Variants in PTPRJ observed in about 807,000 individuals in gnomAD.
PTPRJ encodes protein tyrosine phosphatase receptor type J, also known as receptor-type tyrosine-protein phosphatase eta.
In PTPRJ, 129 loss-of-function variants were observed where a neutral mutation model predicts 141.3. The ratio of observed to expected loss-of-function variants is 0.91; its 90% CI spans 0.79 to 1.06. PTPRJ has a LOEUF of 1.06. Ranked by LOEUF, PTPRJ falls within the 50% of genes least tolerant of loss-of-function variation. The pLI, the probability that PTPRJ is intolerant of heterozygous loss-of-function variation, is 0.00. For missense variants in PTPRJ, 1,601 were observed against 1,679.7 expected, an observed-to-expected ratio of 0.95 and a Z score of 0.82; for synonymous variants, 610 against 640.5, an observed-to-expected ratio of 0.95 and a Z score of 0.72.
intron 24 of PTPRJ, among the ~76,000 whole-genome samples, 165 bp from the exon 25 acceptor site, chr11:48,167,039 C>T (rs1805462116): frequency 6.6e-6 from 1 of 152,150 alleles, no homozygotes; most frequent in African/African-American, 2.4e-5. Flanking sequence ...TCAGATTTCA[C>T]TGCAATGTTG....
chr11:48,073,128 T>C (rs1178280298), intron 1 of PTPRJ, among the ~76,000 whole-genome samples: 3 of 152,248 alleles, frequency 2.0e-5, no homozygotes, highest in Non-Finnish European at 2.9e-5. Flanking sequence ...CCACTGGCTC[T>C]GTTTGGTTCC....
At chr11:48,109,848 C>T (rs1301881169) in intron 1 of PTPRJ, among the ~76,000 whole-genome samples, 1 of 152,172 alleles carries the variant, frequency 6.6e-6, no homozygotes, top group Non-Finnish European at 1.5e-5. Flanking sequence ...CCCCACATAA[C>T]CCAGTTAATC....
intron 1 of PTPRJ, among the ~76,000 whole-genome samples, chr11:48,031,975 T>C (rs964210163): frequency 6.6e-6 from 1 of 152,170 alleles, no homozygotes; most frequent in Non-Finnish European, 1.5e-5. Flanking sequence ...CTTAGCATCA[T>C]ATGAAAGGCA....
chr11:48,102,068 G>A (rs1856163681), intron 1 of PTPRJ, among the ~76,000 whole-genome samples: 1 of 152,206 alleles, frequency 6.6e-6, no homozygotes, highest in Non-Finnish European at 1.5e-5. Context: ...GTTGCAGGGT[G>A]CATTTTGATC....
intron 1 of PTPRJ, among the ~76,000 whole-genome samples, chr11:48,024,187 C>T (rs1853741481): frequency 6.6e-6 from 1 of 151,890 alleles, no homozygotes; most frequent in African/African-American, 2.4e-5. Context: ...ACCACACTTA[C>T]ATTTTTTTTC....
chr11:48,106,775 T>C (rs1025327524), intron 1 of PTPRJ, among the ~76,000 whole-genome samples: 5 of 144,128 alleles, frequency 3.5e-5, no homozygotes, highest in South Asian at 2.2e-4. Flanking sequence ...TTTTTTTTTT[T>C]TTTTTTTTTT....
intron 1 of PTPRJ, among the ~76,000 whole-genome samples, chr11:48,073,767 T>C (rs1157207177): frequency 2.0e-5 from 3 of 152,180 alleles, no homozygotes; most frequent in African/African-American, 7.2e-5. Flanking sequence ...AAAAAATTTC[T>C]ATGTATATGT....
intron 1 of PTPRJ, among the ~76,000 whole-genome samples, chr11:48,039,788 CTTTCT>C (rs1268196292): frequency 2.7e-5 from 4 of 148,858 alleles, no homozygotes; most frequent in African/African-American, 1.0e-4. Flanking sequence ...CCCTTTTGCC[CTTTCT>C]TTTTTTTTTT....
At chr11:47,990,454 GCT>G (rs1485517472) in intron 1 of PTPRJ, among the ~76,000 whole-genome samples, 1 of 151,894 alleles carries the variant, frequency 6.6e-6, no homozygotes, top group Non-Finnish European at 1.5e-5. Context: ...GGGGAGTCTT[GCT>G]CTGTCACCCA....
chr11:48,007,386 G>A (rs911958578), intron 1 of PTPRJ, among the ~76,000 whole-genome samples: 1 of 151,872 alleles, frequency 6.6e-6, no homozygotes, highest in Non-Finnish European at 1.5e-5. Flanking sequence ...TGGGATTACA[G>A]GCATGAGCCA....
chr11:48,061,227 C>T (rs1055748628), intron 1 of PTPRJ, among the ~76,000 whole-genome samples: 4 of 152,176 alleles, frequency 2.6e-5, no homozygotes, highest in Non-Finnish European at 5.9e-5. Context: ...CCGCCTACCT[C>T]GGCCTCCCAA....
rs1037017461 is a variant in PTPRJ at position 48,168,892 on chromosome 11, C to T, written c.*1530C>T. The T allele has an allele frequency of 6.6e-6, 1 of 151,652 alleles. No individual in the cohort carries two copies. 9.4% of individuals were successfully genotyped at this position (151,652 alleles called of 1,614,324 possible). ...TATTTTGAAGATGTTTTGAGTTTAT[C>T]CTCCAATAGGCAATGAAGTTGACAA... On this transcript the variant is annotated 3_prime_UTR_variant, in exon 25 of 25. Coordinates refer to ENST00000418331, the MANE Select transcript of PTPRJ (RefSeq NM_002843.4).
intron 1 of PTPRJ, among the ~76,000 whole-genome samples, chr11:48,040,609 C>CT (rs371103069): frequency 6.8e-6 from 1 of 146,042 alleles, no homozygotes; most frequent in African/African-American, 2.7e-5. Context: ...TCTTCTTCTT[C>CT]TTCTTTTTTT....
intron 16 of PTPRJ, 73 bp from the exon 17 acceptor site, chr11:48,149,917 G>A (rs1857439174): frequency 1.7e-6 from 2 of 1,201,840 alleles, no homozygotes; most frequent in Non-Finnish European, 2.4e-6. Flanking sequence ...TGGGAAGATT[G>A]TTTACTGTCA....
At chr11:48,078,911 T>C (rs1439675107) in intron 1 of PTPRJ, among the ~76,000 whole-genome samples, 5 of 150,100 alleles carry the variant, frequency 3.3e-5, no homozygotes, top group African/African-American at 1.2e-4. Flanking sequence ...AGAGACCATA[T>C]GGCCTGCAAA....
At chr11:48,064,782 A>G (rs1478342117) in intron 1 of PTPRJ, among the ~76,000 whole-genome samples, 2 of 151,100 alleles carry the variant, frequency 1.3e-5, no homozygotes, top group Non-Finnish European at 2.9e-5. Context: ...AGTCTCGCCC[A>G]TCTAATTTTT....
chr11:48,139,914 A>G (rs1263644333), intron 11 of PTPRJ, 138 bp downstream of exon 11: 1 of 908,346 alleles, frequency 1.1e-6, no homozygotes, highest in South Asian at 1.8e-5. Context: ...TTTTACTGAC[A>G]TAGACTGGTT....
chr11:48,112,678 G>T, intron 2 of PTPRJ, 69 bp from the exon 3 acceptor site: 2 of 1,103,544 alleles, frequency 1.8e-6, no homozygotes, highest in African/African-American at 1.6e-5. Context: ...TAAATATTTT[G>T]TGAGGTGGGG....
rs114680311 is a variant in PTPRJ, at chr11:48,075,855, C to G, written c.97-34203C>G. On this transcript the variant is annotated intron_variant, in intron 1 of 24. Coordinates refer to ENST00000418331, the MANE Select transcript of PTPRJ (RefSeq NM_002843.4). ...CCATGTCTCCTTTTCCAGCCTCATT[C>G]CCTGAGATGTAGCCGGAGTTCCAGT... 7.6e-3 allele frequency among the ~76,000 whole-genome samples: 1,163 copies of G among 152,284 alleles called. 25 individuals carry two copies. The highest frequency in any genetic ancestry group is 0.027 in the African/African-American group (1,107 of 41,540).
Sources: allele counts gnomAD v4.1 joint callset (sites outside exome capture counted in the v4.1 genomes callset), GRCh38; gene constraint gnomAD v4.1.1; transcripts MANE v1.5; gene names NCBI Gene and HGNC (gene_info 2026-07-23, HGNC 2026-07-21).